The following LUZP2 variants were observed in gnomAD, a reference collection of about 807,000 sequenced individuals.
LUZP2 encodes leucine zipper protein 2.
A neutral mutation model predicts 51.6 loss-of-function variants in LUZP2; 52 were observed. That is an observed-to-expected ratio of 1.01 (90% CI 0.81 to 1.27). The LOEUF is 1.27. Among genes scored for constraint, LUZP2 ranks in the 50% most tolerant of loss-of-function variants. The pLI is 0.00. For missense variants in LUZP2, 436 were observed against 395.4 expected (o/e 1.10, Z -0.87); for synonymous variants, 154 against 137.3 (o/e 1.12, Z -0.85).
chr11:24,957,355 T>G (rs181185767), intron 7 of LUZP2, among the ~76,000 whole-genome samples: 12 of 152,234 alleles, frequency 7.9e-5, no homozygotes, highest in Admixed American at 1.3e-4. Flanking sequence ...ATATTTATCA[T>G]TTTTTATAGT....
At chr11:24,567,009 TA>T (rs1852267860) in intron 1 of LUZP2, among the ~76,000 whole-genome samples, 2 of 108,324 alleles carry the variant, frequency 1.8e-5, no homozygotes, top group Non-Finnish European at 3.7e-5. Flanking sequence ...AATATATATA[TA>T]TATATTTTTT....
intron 1 of LUZP2, among the ~76,000 whole-genome samples, chr11:24,728,585 A>G (rs1402220971): frequency 6.6e-6 from 1 of 151,928 alleles, no homozygotes; most frequent in African/African-American, 2.4e-5. Context: ...TGACTAAAAC[A>G]TCTCATTTAC....
In LUZP2 at chr11:24,751,992, A is replaced by C. The variant is rs190234392; in HGVS notation, c.334-11254A>C. ...AATAGGTAAAATAAAGAATACACTA[A>C]ACGGTGTAAGTATAAGAAAGAAAAT... On this transcript the variant is annotated intron_variant, in intron 4 of 11. Coordinates refer to ENST00000336930, the MANE Select transcript of LUZP2 (RefSeq NM_001009909.4). Among the ~76,000 whole-genome samples, 5 of 152,256 alleles carry C rather than the reference A, an allele frequency of 3.3e-5. No individual in the cohort carries two copies. In the East Asian group the frequency reaches 9.6e-4, roughly 29 times the overall value.
chr11:25,009,279 C>A (rs1357137416), intron 9 of LUZP2, among the ~76,000 whole-genome samples: 1 of 152,064 alleles, frequency 6.6e-6, no homozygotes, highest in Non-Finnish European at 1.5e-5. Context: ...TTTAAATGAT[C>A]TTTTACTTAA....
At chr11:24,836,894 T>C in intron 5 of LUZP2, among the ~76,000 whole-genome samples, 1 of 151,848 alleles carries the variant, frequency 6.6e-6, no homozygotes, top group East Asian at 1.9e-4. Context: ...ATTTTGATGC[T>C]TGGATTAAAG....
At chr11:24,802,736 G>A (rs1849730469) in intron 5 of LUZP2, among the ~76,000 whole-genome samples, 1 of 151,796 alleles carries the variant, frequency 6.6e-6, no homozygotes, top group African/African-American at 2.4e-5. Flanking sequence ...ACCTTGCTAT[G>A]GTTTGAATGT....
At chr11:24,822,093 A>G (rs550615949) in intron 5 of LUZP2, among the ~76,000 whole-genome samples, 28 of 152,062 alleles carry the variant, frequency 1.8e-4, no homozygotes, top group Admixed American at 1.4e-3. Flanking sequence ...TGAGAATTAA[A>G]TGTAAAAGCA....
chr11:25,025,060 T>A (rs1045678618), intron 9 of LUZP2, among the ~76,000 whole-genome samples: 1 of 152,106 alleles, frequency 6.6e-6, no homozygotes, highest in African/African-American at 2.4e-5. Flanking sequence ...ATTCCCTATT[T>A]AATAAATGAT....
intron 1 of LUZP2, among the ~76,000 whole-genome samples, chr11:24,692,481 C>T (rs1190856825): frequency 6.6e-6 from 1 of 151,878 alleles, no homozygotes; most frequent in African/African-American, 2.4e-5. Flanking sequence ...GAAAAGTAGC[C>T]AAAATATGAG....
chr11:24,517,513 A>AAAAAAAAAAAAAAAAAAT (rs1850510206), intron 1 of LUZP2, among the ~76,000 whole-genome samples: 1 of 145,430 alleles, frequency 6.9e-6, no homozygotes, highest in Non-Finnish European at 1.5e-5. Flanking sequence ...AAAAAAAAAA[A>AAAAAAAAAAAAAAAAAAT]TTGTAGGTAC....
chr11:24,727,484 CTATA>C (rs1273810218), intron 1 of LUZP2, among the ~76,000 whole-genome samples: 3 of 151,916 alleles, frequency 2.0e-5, no homozygotes, highest in African/African-American at 7.3e-5. Context: ...ATTATTAACC[CTATA>C]TATAATATGA....
chr11:24,857,709 A>AAGTT (rs1554924692), intron 5 of LUZP2, among the ~76,000 whole-genome samples: 1 of 151,912 alleles, frequency 6.6e-6, no homozygotes, highest in Non-Finnish European at 1.5e-5. Context: ...TCAGAGGGTG[A>AAGTT]ACTTTAATTC....
intron 6 of LUZP2, among the ~76,000 whole-genome samples, 177 bp from the exon 7 acceptor site, chr11:24,914,299 T>C (rs777844230): frequency 6.6e-6 from 1 of 152,174 alleles, no homozygotes; most frequent in Non-Finnish European, 1.5e-5. Flanking sequence ...TCTGCCTAGG[T>C]TGTCCAGAGG....
intron 1 of LUZP2, among the ~76,000 whole-genome samples, chr11:24,521,157 C>T (rs1196245915): frequency 2.6e-5 from 4 of 152,070 alleles, no homozygotes; most frequent in African/African-American, 4.8e-5. Flanking sequence ...TTGGGACCAG[C>T]TTAGCCAACA....
At chr11:24,824,202 A>G (rs988276097) in intron 5 of LUZP2, among the ~76,000 whole-genome samples, 1 of 150,844 alleles carries the variant, frequency 6.6e-6, no homozygotes, top group African/African-American at 2.4e-5. Flanking sequence ...CATCTCTACT[A>G]AATATACAAA....
intron 1 of LUZP2, among the ~76,000 whole-genome samples, chr11:24,652,045 ATGT>A (rs1312178397): frequency 2.7e-5 from 4 of 145,878 alleles, no homozygotes; most frequent in Non-Finnish European, 4.6e-5. Flanking sequence ...GTGTGTACAC[ATGT>A]TGTATATGTG....
intron 10 of LUZP2, among the ~76,000 whole-genome samples, chr11:25,065,026 C>G (rs1358661002): frequency 6.6e-6 from 1 of 152,042 alleles, no homozygotes; most frequent in African/African-American, 2.4e-5. Flanking sequence ...ATAACATTGA[C>G]AGGCATAGTA....
At chr11:24,565,714 C>T (rs1406375830) in intron 1 of LUZP2, among the ~76,000 whole-genome samples, 1 of 151,956 alleles carries the variant, frequency 6.6e-6, no homozygotes, top group Non-Finnish European at 1.5e-5. Flanking sequence ...AGATTACAAA[C>T]ACATAGAAAA....
intron 1 of LUZP2, among the ~76,000 whole-genome samples, chr11:24,697,622 A>G (rs1290735353): frequency 2.0e-5 from 3 of 152,194 alleles, no homozygotes; most frequent in Non-Finnish European, 2.9e-5. Context: ...CTCCCTCTTC[A>G]TTTGGAAACC....
Sources: gnomAD v4.1 joint callset for allele counts (sites outside exome capture counted in the v4.1 genomes callset) on GRCh38, gnomAD v4.1.1 for gene constraint, MANE v1.5 for transcripts, NCBI Gene and HGNC (gene_info 2026-07-23, HGNC 2026-07-21) for gene names.